Variants in NASP observed in about 807,000 individuals in gnomAD.
NASP encodes NASP histone chaperone.
In NASP, 24 loss-of-function variants were observed where a neutral mutation model predicts 89.5. The observed-to-expected ratio is 0.27, with a 90% CI of 0.19 to 0.38. The LOEUF is 0.38. Ranked by LOEUF, NASP falls within the 10% of genes least tolerant of loss-of-function variation. The pLI, the probability that NASP is intolerant of heterozygous loss-of-function variation, is 1.00. For missense variants in NASP, 848 were observed against 921.4 expected (o/e 0.92, Z 1.03); for synonymous variants, 306 against 324.7 (o/e 0.94, Z 0.62).
intron 2 of NASP, among the ~76,000 whole-genome samples, chr1:45,593,234 G>A (rs1381933100): frequency 6.6e-6 from 1 of 151,878 alleles, no homozygotes; most frequent in Non-Finnish European, 1.5e-5. Flanking sequence ...GATATTAGTT[G>A]TGTTTAGAAA....
rs757268221 is a variant in NASP at position 45,584,231 on chromosome 1, G to C, written c.59+26G>C. Reference sequence around the variant, plus strand: ...GTAAGCGGGACTGTGGAAAGCTTAAGGCACTGGCCAGTCCGCGGGGAGGGC... The same window carrying C: ...GTAAGCGGGACTGTGGAAAGCTTAACGCACTGGCCAGTCCGCGGGGAGGGC... On this transcript the variant is annotated intron_variant, in intron 1 of 14. Coordinates refer to ENST00000350030, the MANE Select transcript of NASP (RefSeq NM_002482.4). 5 of 1,564,300 alleles carry C rather than the reference G, an allele frequency of 3.2e-6. No homozygotes were observed. In the Admixed American group the frequency reaches 9.5e-5, roughly 30 times the overall value.
intron 6 of NASP, 79 bp from the exon 7 acceptor site, chr1:45,613,090 G>A: frequency 6.6e-7 from 1 of 1,510,552 alleles, no homozygotes; most frequent in Non-Finnish European, 8.8e-7. Context: ...AATATAGGTT[G>A]AGACGTGTAT....
intron 3 of NASP, 125 bp from the exon 4 acceptor site, chr1:45,604,811 C>A: frequency 2.9e-6 from 2 of 699,766 alleles, no homozygotes; most frequent in Non-Finnish European, 4.8e-6. Flanking sequence ...ACCTTGAAAG[C>A]AAGAGGGGTA....
At position 45,586,239 on chromosome 1, in the gene NASP, CGTGTGTGTGTGTGT is replaced by C. The variant is rs537983711; in HGVS notation, c.59+2066_59+2079del. Among the ~76,000 whole-genome samples, 443 of 110,282 alleles carry C rather than the reference CGTGTGTGTGTGTGT, an allele frequency of 4.0e-3. 4 individuals are homozygous for C. Among genetic ancestry groups the C allele is most frequent in the Non-Finnish European group, 5.0e-3 (285 of 57,170 alleles). The allele number at this position is 110,282 out of a possible 152,430, so 72.3% of individuals were successfully genotyped here. On this transcript the variant is annotated intron_variant, in intron 1 of 14. Coordinates refer to ENST00000350030, the MANE Select transcript of NASP (RefSeq NM_002482.4). ...CGGCCCCCTGCAGCCCCTACCGTGCCGTGTGTGTGTGTGTGTGTGTGTGTGTGTGTGTGTGTGTG... is the reference window on the plus strand; with the variant it reads ...CGGCCCCCTGCAGCCCCTACCGTGCCGTGTGTGTGTGTGTGTGTGTGTGTG...
At chr1:45,604,782 ATTGT>A (rs1288831368) in intron 3 of NASP, 150 bp from the exon 4 acceptor site, 1 of 586,108 alleles carries the variant, frequency 1.7e-6, no homozygotes, top group East Asian at 2.8e-5. Flanking sequence ...ATTTTCATGC[ATTGT>A]TTAATGTCAC....
rs375910147 is a variant in NASP, at chr1:45,600,448, G to T, written c.108-1807G>T. On this transcript the variant is annotated intron_variant, in intron 2 of 14. Transcript: ENST00000350030. ...CATTTTGTAGAATATTATCTAAATA[G>T]AATCATACAGTAAGTACTGTTTCTT... 1.2e-3 allele frequency: 1,549 copies of T among 1,256,104 alleles called. 2 individuals are homozygous for T. The highest frequency in any genetic ancestry group is 1.5e-3 in the Non-Finnish European group (1,448 of 960,514). 77.8% of individuals were successfully genotyped at this position (1,256,104 alleles called of 1,614,324 possible). A position where few individuals can be genotyped will look rare whatever the true frequency, so the allele number is the denominator to read the frequency against.
intron 1 of NASP, among the ~76,000 whole-genome samples, chr1:45,585,611 TATA>T (rs1313209366): frequency 6.6e-6 from 1 of 152,216 alleles, no homozygotes; most frequent in Non-Finnish European, 1.5e-5. Context: ...AGCTGCTTTT[TATA>T]ATGTTTCCTA....
Position 45,608,323 on chromosome 1 carries a change from T to C in NASP, c.1412T>C (p.Met471Thr). 1.2e-6 allele frequency: 2 copies of C among 1,606,596 alleles called. No homozygotes were observed. Among genetic ancestry groups the C allele is most frequent in the Non-Finnish European group, 1.7e-6 (2 of 1,176,160 alleles). Residue 471 changes from methionine (M) to threonine (T), a missense_variant, in exon 6 of 15, where the codon ATG (methionine) becomes ACG (threonine). Physicochemically the swap from Met to Thr is moderately conservative, Grantham distance 81. Around this residue, in one of 5 missense-constraint regions of NASP, gnomAD observed 464 missense variants for 469.4 expected, o/e 0.99. Coordinates refer to ENST00000350030, the MANE Select transcript of NASP (RefSeq NM_002482.4). ...GAGACACAAGAGAGAGAAGAACAGA[T>C]GAAAGAGGGTGAAGGTAACCGGGAT... ...NEETQEREEQ[M>T]KEGEETEGSE...
intron 1 of NASP, among the ~76,000 whole-genome samples, chr1:45,587,670 AT>A (rs1401288503): frequency 7.7e-5 from 5 of 65,164 alleles, no homozygotes; most frequent in Non-Finnish European, 1.5e-4. Flanking sequence ...TCATATATAT[AT>A]ATATATATAT....
Position 45,615,342 on chromosome 1 carries a change from G to C in NASP, c.1893G>C (p.Ser631=), listed in dbSNP as rs200142540. 1.9e-6 allele frequency: 3 copies of C among 1,614,142 alleles called. No individual in the cohort carries two copies. The highest frequency in any genetic ancestry group is 1.7e-6 in the Non-Finnish European group (2 of 1,180,018). ...LNEQVKEAEG[S]SAEYKKEIEE... ...AGCAGGTGAAGGAGGCTGAAGGATC[G>C]TCTGCTGAATACAAGAAAGAAATTG... is the stretch of plus-strand genomic sequence containing the variant. Residue 631 remains serine (S), a synonymous_variant, in exon 11 of 15, where the codon TCG becomes TCC. Coordinates refer to ENST00000350030, the MANE Select transcript of NASP (RefSeq NM_002482.4).
At position 45,602,558 on chromosome 1, in the gene NASP, CTGAG is replaced by C. The variant is rs570764528; in HGVS notation, c.218+195_218+198del. ...CAAGCAGTTCCACCCTTTCATTTTC[CTGAG>C]TATGTAATTTGTATTCCAGTCACTA... is the stretch of plus-strand genomic sequence containing the variant. On this transcript the variant is annotated intron_variant, in intron 3 of 14. Transcript: ENST00000350030. Among the ~76,000 whole-genome samples, 208 of 152,250 alleles carry C rather than the reference CTGAG, an allele frequency of 1.4e-3. 1 individual carries two copies. Among genetic ancestry groups the C allele is most frequent in the Admixed American group, 7.1e-3 (108 of 15,290 alleles).
intron 2 of NASP, among the ~76,000 whole-genome samples, chr1:45,595,015 C>T (rs1643654115): frequency 6.6e-6 from 1 of 151,850 alleles, no homozygotes. Context: ...CCCCTTGAGT[C>T]AGGGTATTGC....
intron 2 of NASP, among the ~76,000 whole-genome samples, chr1:45,595,064 G>A (rs1369880732): frequency 6.6e-6 from 1 of 151,364 alleles, no homozygotes; most frequent in African/African-American, 2.4e-5. Flanking sequence ...TCCTGATCCT[G>A]GCTTGGTGCA....
At chr1:45,588,484 G>A (rs998961068) in intron 1 of NASP, among the ~76,000 whole-genome samples, 1 of 152,076 alleles carries the variant, frequency 6.6e-6, no homozygotes, top group African/African-American at 2.4e-5. Flanking sequence ...CAAACTCCTA[G>A]CCTCAAACAG....
chr1:45,607,340 G>C lies in NASP; in HGVS notation c.429G>C (p.Leu143Phe). The change falls in exon 6 of 15, where the codon TTG (leucine) becomes TTC (phenylalanine). Residue 143 changes from leucine (L) to phenylalanine (F), a missense_variant. Leu to Phe is a conservative substitution (Grantham distance 22). This residue lies in a region of NASP where 464 missense variants were observed against 469.4 expected (regional missense o/e 0.99). Transcript: ENST00000350030. ...DNIDEEAREE[L>F]REQVYDAMGE... ...ATGTAGAGGAAGCAAGGGAAGAGTTGAGAGAACAGGTTTATGACGCCATGG... is the reference window on the plus strand; with the variant it reads ...ATGTAGAGGAAGCAAGGGAAGAGTTCAGAGAACAGGTTTATGACGCCATGG... The C allele has an allele frequency of 6.2e-7, 1 of 1,614,012 alleles. No homozygotes were observed. Among genetic ancestry groups the C allele is most frequent in the South Asian group, 1.1e-5 (1 of 91,066 alleles).
rs76205712 is a variant in NASP at position 45,613,125 on chromosome 1, C to T, written c.1427-44C>T. On this transcript the variant is annotated intron_variant, in intron 6 of 14. Transcript: ENST00000350030. ...TTGGAATCTCTGACTAGTCAGAATACGTTCTTAGTTATATTCTCAATACTG... is the reference window on the plus strand; with the variant it reads ...TTGGAATCTCTGACTAGTCAGAATATGTTCTTAGTTATATTCTCAATACTG... 1,763 of 1,576,538 alleles carry T rather than the reference C, an allele frequency of 1.1e-3. 18 individuals carry two copies. The African/African-American group carries it at 0.02, about 18-fold the overall frequency.
chr1:45,607,133 C>G (rs1375893537), intron 5 of NASP, 188 bp from the exon 6 acceptor site: 1 of 602,052 alleles, frequency 1.7e-6, no homozygotes, highest in Non-Finnish European at 2.9e-6. Flanking sequence ...GTTTCTTTTG[C>G]AGTAAGTTGC....
At chr1:45,584,894 C>T (rs1644507817) in intron 1 of NASP, among the ~76,000 whole-genome samples, 1 of 152,190 alleles carries the variant, frequency 6.6e-6, no homozygotes, top group South Asian at 2.1e-4. Context: ...AGATAGTTAT[C>T]GCTCCCCGCG....
intron 1 of NASP, among the ~76,000 whole-genome samples, chr1:45,586,290 T>TG (rs1305432770): frequency 3.4e-4 from 33 of 97,398 alleles, no homozygotes; most frequent in African/African-American, 1.4e-3. Context: ...GTGTGGTGTG[T>TG]GTGTGTGTGT....
Sources: gnomAD v4.1 joint callset for allele counts (sites outside exome capture counted in the v4.1 genomes callset) on GRCh38, gnomAD v4.1.1 for gene constraint, gnomAD v4.1.1 regional missense constraint, MANE v1.5 for transcripts, NCBI Gene and HGNC (gene_info 2026-07-23, HGNC 2026-07-21) for gene names.